The following B3GNT3 variants were observed in gnomAD, a reference collection of about 807,000 sequenced individuals.
B3GNT3 encodes the protein N-acetyllactosaminide beta-1,3-N-acetylglucosaminyltransferase 3.
A neutral mutation model predicts 11.6 loss-of-function variants in B3GNT3; 7 were observed. The ratio of observed to expected loss-of-function variants is 0.60; its 90% CI spans 0.34 to 1.13. The LOEUF is 1.13. Among genes scored for constraint, B3GNT3 ranks in the 50% most tolerant of loss-of-function variants. The probability of loss-of-function intolerance (pLI) is 0.03; values close to 1 mark genes in which losing one functional copy is unlikely to be tolerated. For missense variants in B3GNT3, 400 were observed against 507.4 expected (o/e 0.79, Z 2.03); for synonymous variants, 201 against 222.1 (o/e 0.90, Z 0.85).
Position 17,808,173 on chromosome 19 carries a change from C to T in B3GNT3, c.366C>T (p.Arg122=). The T allele has an allele frequency of 1.2e-6, 2 of 1,610,994 alleles. No individual in the cohort carries two copies. The highest frequency in any genetic ancestry group is 1.7e-6 in the Non-Finnish European group (2 of 1,178,318). Residue 122 remains arginine (R), a synonymous_variant, in exon 2 of 3, where the codon CGC becomes CGT. Transcript: ENST00000318683. The part of the protein sequence containing the change: ...VIKSSPSNYV[R]RELLRRTWGR... The stretch of plus-strand genomic sequence containing the variant: ...AGTCCTCCCCTAGCAACTATGTGCG[C>T]CGCGAGCTGCTGCGGCGCACGTGGG...
At chr19:17,806,455 T>C (rs925716978) in intron 1 of B3GNT3, among the ~76,000 whole-genome samples, 3 of 152,128 alleles carry the variant, frequency 2.0e-5, no homozygotes, top group Non-Finnish European at 4.4e-5. Context: ...GTTAACAGGA[T>C]TGGACTCATG....
rs753539520 is a variant in B3GNT3, at chr19:17,808,037, C to T, written c.230C>T (p.Pro77Leu). Reference sequence around the variant, plus strand: ...ACCCACCCGGACTTCGCCACGCAGCCGCAGCACGTTCAGAACTTCCTCCTG... The same window carrying T: ...ACCCACCCGGACTTCGCCACGCAGCTGCAGCACGTTCAGAACTTCCTCCTG... ...MVTHPDFATQ[P>L]QHVQNFLLYR... Residue 77 changes from proline (P) to leucine (L), a missense_variant, in exon 2 of 3, where the codon CCG becomes CTG. By Grantham distance (98) the Pro-to-Leu change is moderately conservative. Transcript: ENST00000318683. The T allele has an allele frequency of 1.9e-6, 3 of 1,613,230 alleles. No individual in the cohort carries two copies. Among genetic ancestry groups the T allele is most frequent in the Non-Finnish European group, 2.5e-6 (3 of 1,179,814 alleles).
rs914717523 is a variant in B3GNT3, at chr19:17,811,080, G to A, written c.568-491G>A. The stretch of plus-strand genomic sequence containing the variant: ...AAATTATTAGCCAGGAGTAAGTAGC[G>A]GCATGTGTCTGTAGTACCAGCTACT... On this transcript the variant is annotated intron_variant, in intron 2 of 2. Coordinates refer to ENST00000318683, the MANE Select transcript of B3GNT3 (RefSeq NM_014256.4). The surrounding 1 kb of genome is among the most constrained non-coding windows in gnomAD (Gnocchi z 4.1). Among the ~76,000 whole-genome samples the A allele has an allele frequency of 3.4e-4, 52 of 151,656 alleles. No individual in the cohort carries two copies. The highest frequency in any genetic ancestry group is 8.8e-5 in the Non-Finnish European group (6 of 67,966).
Position 17,812,165 on chromosome 19 carries a change from G to A in B3GNT3, c.*43G>A. On this transcript the variant is annotated 3_prime_UTR_variant, in exon 3 of 3. Transcript: ENST00000318683. ...CAGCCTCTGGGCTCCTGTTTCCATA[G>A]GAAGGGGCGACACCTTCCTCCCAGG... 1 of 1,533,868 alleles carries A rather than the reference G, an allele frequency of 6.5e-7. No homozygotes were observed. Among genetic ancestry groups the A allele is most frequent in the Non-Finnish European group, 8.7e-7 (1 of 1,149,836 alleles).
Position 17,810,263 on chromosome 19 carries a change from G to A in B3GNT3, c.568-1308G>A, listed in dbSNP as rs545896209. Among the ~76,000 whole-genome samples, 11 of 152,060 alleles carry A rather than the reference G, an allele frequency of 7.2e-5. No homozygotes were observed. The South Asian group carries it at 1.0e-3, about 14-fold the overall frequency. ...CCCAGCACTTTGGGAGGCTGAGGTG[G>A]GCGGATCACTTGAGACCAGGAGTTC... is the stretch of plus-strand genomic sequence containing the variant. On this transcript the variant is annotated intron_variant, in intron 2 of 2. Transcript: ENST00000318683.
chr19:17,808,319 G>A lies in B3GNT3; in HGVS notation c.512G>A (p.Gly171Glu). Residue 171 changes from glycine to glutamate, a missense_variant, in exon 2 of 3, where the codon GGA becomes GAA. Coordinates refer to ENST00000318683, the MANE Select transcript of B3GNT3 (RefSeq NM_014256.4). ...RLLELEAQTH[G>E]DILQWDFHDS... ...CTGGAGCTGGAGGCACAGACTCACG[G>A]AGACATCCTGCAGTGGGACTTCCAC... is the stretch of plus-strand genomic sequence containing the variant. 3 of 1,612,814 alleles carry A rather than the reference G, an allele frequency of 1.9e-6. No individual in the cohort carries two copies. The highest frequency in any genetic ancestry group is 2.5e-6 in the Non-Finnish European group (3 of 1,179,636).
At chr19:17,807,477 A>AT (rs2094174545) in intron 1 of B3GNT3, among the ~76,000 whole-genome samples, 3 of 136,446 alleles carry the variant, frequency 2.2e-5, no homozygotes, top group African/African-American at 8.2e-5. Context: ...GGGCAACAGA[A>AT]CAAGAGAGAG....
intron 1 of B3GNT3, among the ~76,000 whole-genome samples, chr19:17,804,533 CTTTT>C (rs67513010): frequency 7.0e-5 from 4 of 57,016 alleles, no homozygotes; most frequent in Admixed American, 6.4e-4. Flanking sequence ...CCGTGCCCAG[CTTTT>C]TTTTTTTTTT....
rs183727021 is a variant in B3GNT3 at position 17,804,488 on chromosome 19, G to C, written c.-50-3270G>C. Among the ~76,000 whole-genome samples, 54 of 136,198 alleles carry C rather than the reference G, an allele frequency of 4.0e-4. No individual in the cohort carries two copies. In the Admixed American group the frequency reaches 4.2e-3, roughly 11 times the overall value. The allele number at this position is 136,198 out of a possible 152,430, so 89.4% of individuals were successfully genotyped here. A position where few individuals can be genotyped will look rare whatever the true frequency, so the allele number is the denominator to read the frequency against. ...CTCCTGAGCTCAAGTGATTGCCTCGGCTTCCCAAAGTGCTGAGATTACAGG... is the reference window on the plus strand; with the variant it reads ...CTCCTGAGCTCAAGTGATTGCCTCGCCTTCCCAAAGTGCTGAGATTACAGG... On this transcript the variant is annotated intron_variant, in intron 1 of 2. Transcript: ENST00000318683.
chr19:17,795,735 G>C (rs1359657872), intron 1 of B3GNT3, among the ~76,000 whole-genome samples: 3 of 152,172 alleles, frequency 2.0e-5, no homozygotes, highest in Non-Finnish European at 4.4e-5. Context: ...ACCGGCCTCA[G>C]TTTCCCCTCC....
At position 17,797,287 on chromosome 19, in the gene B3GNT3, G is replaced by T. The variant is rs542248581; in HGVS notation, c.-51+2081G>T. On this transcript the variant is annotated intron_variant, in intron 1 of 2. Coordinates refer to ENST00000318683, the MANE Select transcript of B3GNT3 (RefSeq NM_014256.4). ...TCTTTGCACACAGAAATAATATCAT[G>T]AATATTTCTGAGCTCTAAGTACAAG... Among the ~76,000 whole-genome samples, 39 of 152,244 alleles carry T rather than the reference G, an allele frequency of 2.6e-4. No homozygotes were observed. The South Asian group carries it at 6.8e-3, about 27-fold the overall frequency.
chr19:17,809,130 G>T (rs915121587), intron 2 of B3GNT3, among the ~76,000 whole-genome samples: 4 of 151,028 alleles, frequency 2.6e-5, no homozygotes, highest in African/African-American at 4.9e-5. Flanking sequence ...CACTGCGCCC[G>T]GCCAACATCT....
At chr19:17,797,777 T>C (rs2094161138) in intron 1 of B3GNT3, among the ~76,000 whole-genome samples, 1 of 152,164 alleles carries the variant, frequency 6.6e-6, no homozygotes, top group East Asian at 1.9e-4. Context: ...ATGGTTTCAC[T>C]AAAGCAGGGT....
chr19:17,808,398 A>G, intron 2 of B3GNT3, 24 bp downstream of exon 2: 1 of 1,573,352 alleles, frequency 6.4e-7, no homozygotes, highest in African/African-American at 1.3e-5. Context: ...GGGTCACCTG[A>G]TCGGGGCCAC....
In B3GNT3 at chr19:17,808,477, A is replaced by G. The variant is rs556384869; in HGVS notation, c.567+103A>G. ...GGGGACCAGAAGTCCTCGTCAGTCC[A>G]TCACAGCCCATTCTGCCCCTCTGCT... On this transcript the variant is annotated intron_variant, in intron 2 of 2. Transcript: ENST00000318683. 42 of 1,210,512 alleles carry G rather than the reference A, an allele frequency of 3.5e-5. 1 individual carries two copies. The highest frequency in any genetic ancestry group is 2.0e-4 in the Middle Eastern group (1 of 4,902). 75.0% of individuals were successfully genotyped at this position (1,210,512 alleles called of 1,614,324 possible). A position where few individuals can be genotyped will look rare whatever the true frequency, so the allele number is the denominator to read the frequency against.
chr19:17,807,961 C>CCGCG lies in B3GNT3; in HGVS notation c.155_156insGCGC (p.Pro53ArgfsTer51). The CCGCG allele has an allele frequency of 1.2e-6, 2 of 1,611,398 alleles. No homozygotes were observed. Among genetic ancestry groups the CCGCG allele is most frequent in the Non-Finnish European group, 1.7e-6 (2 of 1,178,660 alleles). Reference sequence around the variant, plus strand: ...CCCCGAGGCCCTGGCCTGGCCCACTCCACCCACCCGCCCAGCCCCGGCCCC... The same window carrying CCGCG: ...CCCCGAGGCCCTGGCCTGGCCCACTCCGCGCACCCACCCGCCCAGCCCCGGCCCC... On this transcript the variant is annotated frameshift_variant, in exon 2 of 3. Transcript: ENST00000318683. LOFTEE classifies it high-confidence loss of function.
intron 1 of B3GNT3, among the ~76,000 whole-genome samples, chr19:17,805,487 CAT>C (rs2094171974): frequency 6.6e-6 from 1 of 152,162 alleles, no homozygotes; most frequent in African/African-American, 2.4e-5. Context: ...TCACAGGAAA[CAT>C]AAGACATTCT....
At chr19:17,796,121 T>A (rs1384868147) in intron 1 of B3GNT3, among the ~76,000 whole-genome samples, 1 of 152,158 alleles carries the variant, frequency 6.6e-6, no homozygotes, top group Non-Finnish European at 1.5e-5. Flanking sequence ...GGGGACTCAC[T>A]TTGTCACCCA....
chr19:17,795,453 G>C (rs907691726), intron 1 of B3GNT3, among the ~76,000 whole-genome samples: 2 of 152,224 alleles, frequency 1.3e-5, no homozygotes, highest in African/African-American at 4.8e-5. Flanking sequence ...CTGGCGACCC[G>C]GGACCCCGGC....
Sources: gnomAD v4.1 joint callset for allele counts (sites outside exome capture counted in the v4.1 genomes callset) on GRCh38, gnomAD v4.1.1 for gene constraint, Gnocchi (gnomAD v3.1) non-coding constraint, MANE v1.5 for transcripts, NCBI Gene and HGNC (gene_info 2026-07-23, HGNC 2026-07-21) for gene names.